The following SH3BP1 variants were observed in gnomAD, a reference collection of about 807,000 sequenced individuals.
The protein encoded by SH3BP1 is SH3 domain binding protein 1.
In SH3BP1, 46 loss-of-function variants were observed where a neutral mutation model predicts 69.8. The observed-to-expected ratio is 0.66, with a 90% CI of 0.52 to 0.84. SH3BP1 has a LOEUF of 0.84. Among genes scored for constraint, SH3BP1 ranks in the 40% least tolerant of loss-of-function variants. SH3BP1 has a pLI of 0.00. For synonymous variants in SH3BP1, 403 were observed against 378.0 expected, an observed-to-expected ratio of 1.07 and a Z score of -0.77; for missense variants, 868 against 930.9, an observed-to-expected ratio of 0.93 and a Z score of 0.88.
rs773718148 is a variant in SH3BP1 at position 37,647,283 on chromosome 22, TCTG to T, written c.1055_1057del (p.Leu352del). On this transcript the variant is annotated inframe_deletion, in exon 12 of 18. Coordinates refer to ENST00000649765, the MANE Select transcript of SH3BP1 (RefSeq NM_018957.6). ...CTCCTTCAGGTGCCCTCAAGTCCTA[TCTG>T]CGGGAGCTGCCAGAGCCTCTGATGA... is the stretch of plus-strand genomic sequence containing the variant. 6.2e-7 allele frequency: 1 copy of T among 1,613,988 alleles called. No homozygotes were observed. Among genetic ancestry groups the T allele is most frequent in the South Asian group, 1.1e-5 (1 of 91,054 alleles).
rs1257032452 is a variant in SH3BP1 at position 37,643,700 on chromosome 22, G to A, written c.530G>A (p.Gly177Asp). 5 of 1,614,024 alleles carry A rather than the reference G, an allele frequency of 3.1e-6. No homozygotes were observed. ...GSSQGLGGSP[G>D]SHSHTTMANK... Reference sequence around the variant, plus strand: ...AGTCAAGGCCTAGGAGGCAGCCCGGGTAGTCACAGCCATACGACCATGGCC... The same window carrying A: ...AGTCAAGGCCTAGGAGGCAGCCCGGATAGTCACAGCCATACGACCATGGCC... Residue 177 changes from glycine (G) to aspartate (D), a missense_variant, in exon 7 of 18, where the codon GGT becomes GAT. Coordinates refer to ENST00000649765, the MANE Select transcript of SH3BP1 (RefSeq NM_018957.6).
At chr22:37,648,807 G>A (rs1405907840) in intron 14 of SH3BP1, 5 of 195,254 alleles carry the variant, frequency 2.6e-5, no homozygotes, top group Non-Finnish European at 3.2e-5. Context: ...GGGTTCAAGC[G>A]ATTCTTCTGC....
Position 37,644,699 on chromosome 22 carries a change from C to A in SH3BP1, c.681C>A (p.Phe227Leu). ...AGGAGGACTCCTATGCCAACTACTT[C>A]ATTCGTGTGAGTCCAAGACCGGGCC... ...VTKEDSYANY[F>L]IRLLEIQADY... Residue 227 changes from phenylalanine (F) to leucine (L), a missense_variant, in exon 8 of 18, where the codon TTC (phenylalanine) becomes TTA (leucine). Coordinates refer to ENST00000649765, the MANE Select transcript of SH3BP1 (RefSeq NM_018957.6). 1 of 1,614,218 alleles carries A rather than the reference C, an allele frequency of 6.2e-7. No homozygotes were observed. The highest frequency in any genetic ancestry group is 8.5e-7 in the Non-Finnish European group (1 of 1,180,026).
intron 6 of SH3BP1, 97 bp downstream of exon 6, chr22:37,643,271 G>A: frequency 9.2e-7 from 1 of 1,087,722 alleles, no homozygotes; most frequent in Non-Finnish European, 1.4e-6. Flanking sequence ...AGGATGCTGT[G>A]GGGTCTGCTG....
chr22:37,653,823 C>T lies in SH3BP1; in HGVS notation c.1643C>T (p.Thr548Ile). Residue 548 changes from threonine (T) to isoleucine (I), a missense_variant, in exon 17 of 18, where the codon ACC becomes ATC. This residue lies in a region of SH3BP1 where 474 missense variants were observed against 462.3 expected (regional missense o/e 1.03). Coordinates refer to ENST00000649765, the MANE Select transcript of SH3BP1 (RefSeq NM_018957.6). Reference sequence around the variant, plus strand: ...CCCAGACCAGCCTCCCCCAAGGTCACCAGGAGTCCCCCGGAGACAGCTGCC... The same window carrying T: ...CCCAGACCAGCCTCCCCCAAGGTCATCAGGAGTCCCCCGGAGACAGCTGCC... The part of the protein sequence containing the change: ...VPPRPASPKV[T>I]RSPPETAAPV... 1 of 1,613,894 alleles carries T rather than the reference C, an allele frequency of 6.2e-7. No homozygotes were observed.
In SH3BP1 at chr22:37,648,391, C is replaced by A; in HGVS notation, c.1272C>A (p.Ala424=). 1 of 1,569,338 alleles carries A rather than the reference C, an allele frequency of 6.4e-7. No homozygotes were observed. The highest frequency in any genetic ancestry group is 8.6e-7 in the Non-Finnish European group (1 of 1,156,496). The change falls in exon 14 of 18, where the codon GCC becomes GCA. Residue 424 remains alanine (A), a synonymous_variant. Transcript: ENST00000649765. ...EVNKMTPSNI[A]IVLGPNLLWP... is the part of the protein sequence containing the mutation. ...ACAAGATGACACCCAGCAACATCGC[C>A]ATAGTCCTGGGACCCAACTTGCTGT...
Position 37,645,590 on chromosome 22 carries a change from G to A in SH3BP1, c.924+80G>A, listed in dbSNP as rs941820267. ...AAACCGCCCACTTGCTGCCCTTTCCGGGTGCCTGTAATTCCCTCATTCGAG... is the reference window on the plus strand; with the variant it reads ...AAACCGCCCACTTGCTGCCCTTTCCAGGTGCCTGTAATTCCCTCATTCGAG... On this transcript the variant is annotated intron_variant, in intron 10 of 17. Coordinates refer to ENST00000649765, the MANE Select transcript of SH3BP1 (RefSeq NM_018957.6). The A allele has an allele frequency of 6.0e-6, 9 of 1,496,690 alleles. No individual in the cohort carries two copies. Among genetic ancestry groups the A allele is most frequent in the African/African-American group, 1.4e-5 (1 of 72,112 alleles). 92.7% of individuals were successfully genotyped at this position (1,496,690 alleles called of 1,614,324 possible). A position where few individuals can be genotyped will look rare whatever the true frequency, so the allele number is the denominator to read the frequency against.
intron 16 of SH3BP1, among the ~76,000 whole-genome samples, chr22:37,652,975 A>G (rs1932913245): frequency 6.6e-6 from 1 of 151,982 alleles, no homozygotes; most frequent in Non-Finnish European, 1.5e-5. Context: ...ATCTCTACTA[A>G]AAATGCAAAA....
chr22:37,650,108 G>A (rs1329143091), intron 14 of SH3BP1, 44 bp from the exon 15 acceptor site: 1 of 1,605,264 alleles, frequency 6.2e-7, no homozygotes, highest in Admixed American at 1.7e-5. Flanking sequence ...CAGAGAGTTG[G>A]GGTCACAAAC....
chr22:37,652,219 A>G (rs1932894218), intron 16 of SH3BP1, among the ~76,000 whole-genome samples: 1 of 151,672 alleles, frequency 6.6e-6, no homozygotes, highest in Non-Finnish European at 1.5e-5. Context: ...CTGAGGCAGG[A>G]GAATGGTGTG....
At chr22:37,641,563 G>T in intron 3 of SH3BP1, 85 bp downstream of exon 3, 1 of 1,166,440 alleles carries the variant, frequency 8.6e-7, no homozygotes, top group Non-Finnish European at 1.2e-6. Flanking sequence ...GGGTTTCCTT[G>T]CCAGTCTGAG....
At chr22:37,651,676 C>T (rs568827317) in intron 16 of SH3BP1, among the ~76,000 whole-genome samples, 2 of 152,136 alleles carry the variant, frequency 1.3e-5, no homozygotes, top group South Asian at 2.1e-4. Flanking sequence ...TTCGTGGTAC[C>T]GTGGTGCCTC....
intron 6 of SH3BP1, 119 bp downstream of exon 6, chr22:37,643,293 T>C (rs1932678557): frequency 3.3e-6 from 3 of 896,516 alleles, no homozygotes; most frequent in Middle Eastern, 2.3e-4. Flanking sequence ...GTACAGTGTG[T>C]GTACTTGTGC....
intron 10 of SH3BP1, among the ~76,000 whole-genome samples, chr22:37,646,275 T>C (rs1932784639): frequency 6.9e-6 from 1 of 144,146 alleles, no homozygotes; most frequent in East Asian, 2.1e-4. Context: ...TTTTTTTTTT[T>C]TGAGACAGGA....
At chr22:37,648,552 C>T in intron 14 of SH3BP1, 117 bp downstream of exon 14, 1 of 718,094 alleles carries the variant, frequency 1.4e-6, no homozygotes, top group Non-Finnish European at 2.4e-6. Context: ...GGTTGAGCAG[C>T]TCCTGTTTTT....
chr22:37,642,521 G>A lies in SH3BP1; in HGVS notation c.208-18G>A, dbSNP rs1426889819. ...AGGGAGGCACGGACACTCATCGCCG[G>A]CCCCACCCTCCCTGCAGAAGAAGCT... On this transcript the variant is annotated intron_variant, in intron 3 of 17. Coordinates refer to ENST00000649765, the MANE Select transcript of SH3BP1 (RefSeq NM_018957.6). 9 of 1,612,144 alleles carry A rather than the reference G, an allele frequency of 5.6e-6. No homozygotes were observed. The Admixed American group carries it at 1.5e-4, about 27-fold the overall frequency.
chr22:37,653,438 GAAA>G (rs1169017247), intron 16 of SH3BP1, among the ~76,000 whole-genome samples: 1 of 151,856 alleles, frequency 6.6e-6, no homozygotes, highest in African/African-American at 2.4e-5. Flanking sequence ...TCCATCTCAA[GAAA>G]AAAAACCACA....
chr22:37,652,860 G>A (rs570690356), intron 16 of SH3BP1, among the ~76,000 whole-genome samples: 1 of 151,032 alleles, frequency 6.6e-6, no homozygotes, highest in East Asian at 2.0e-4. Context: ...AAATGGCCGG[G>A]TGTGGTGGCT....
intron 9 of SH3BP1, 24 bp from the exon 10 acceptor site, chr22:37,645,341 C>A: frequency 6.3e-7 from 1 of 1,589,350 alleles, no homozygotes; most frequent in African/African-American, 1.3e-5. Flanking sequence ...GGCCCTGGGC[C>A]GCTGATCTGT....
Sources: allele counts gnomAD v4.1 joint callset (sites outside exome capture counted in the v4.1 genomes callset), GRCh38; gene constraint gnomAD v4.1.1; regional missense constraint gnomAD v4.1.1; transcripts MANE v1.5; gene names NCBI Gene and HGNC (gene_info 2026-07-23, HGNC 2026-07-21).